INPP4B: variants seen among roughly 807,000 people sequenced by gnomAD.
INPP4B encodes inositol polyphosphate 4-phosphatase type II.
Under a neutral mutation model 122.5 loss-of-function variants are expected in INPP4B, and 55 were observed. The ratio of observed to expected loss-of-function variants is 0.45; its 90% CI spans 0.36 to 0.56. INPP4B has a LOEUF of 0.56. Ranked by LOEUF, INPP4B falls within the 20% of genes least tolerant of loss-of-function variation. INPP4B has a pLI of 0.00. For missense variants in INPP4B, 1,000 were observed against 1,097.7 expected (o/e 0.91, Z 1.26); for synonymous variants, 403 against 388.7 (o/e 1.04, Z -0.43).
At chr4:142,297,657 C>G (rs1287154826) in intron 9 of INPP4B, among the ~76,000 whole-genome samples, 1 of 152,222 alleles carries the variant, frequency 6.6e-6, no homozygotes, top group African/African-American at 2.4e-5. Context: ...GCTTCCTATA[C>G]AGTCTGCAAA....
At chr4:142,801,855 T>G (rs1344820115) in intron 1 of INPP4B, among the ~76,000 whole-genome samples, 1 of 152,142 alleles carries the variant, frequency 6.6e-6, no homozygotes, top group Non-Finnish European at 1.5e-5. Context: ...CAAATTCTGT[T>G]GTGGTCCTGT....
intron 2 of INPP4B, among the ~76,000 whole-genome samples, chr4:142,617,961 A>T (rs1249280635): frequency 2.0e-5 from 3 of 152,144 alleles, no homozygotes; most frequent in Non-Finnish European, 4.4e-5. Flanking sequence ...TAATTTATCA[A>T]TAAAAATATC....
At chr4:142,383,874 G>T in intron 7 of INPP4B, 2 of 492,032 alleles carry the variant, frequency 4.1e-6, no homozygotes, top group Middle Eastern at 5.1e-4. Context: ...TCCGGGTGGC[G>T]GGAACACAGG....
Position 142,803,053 on chromosome 4 carries a change from C to T in INPP4B, c.-254+43156G>A, listed in dbSNP as rs935455742. Among the ~76,000 whole-genome samples the T allele has an allele frequency of 3.3e-5, 5 of 151,342 alleles. No homozygotes were observed. In the South Asian group the frequency reaches 8.3e-4, roughly 25 times the overall value. On this transcript the variant is annotated intron_variant, in intron 1 of 25. Coordinates refer to ENST00000262992, the MANE Select transcript of INPP4B (RefSeq NM_001101669.3). ...GGCATGGTGGTGAGTACCTGTAATC[C>T]CAGCTACAGGGCGGGAGCTGAGGCA...
chr4:142,060,439 T>C (rs1234248304), intron 25 of INPP4B, among the ~76,000 whole-genome samples: 10 of 152,140 alleles, frequency 6.6e-5, no homozygotes, highest in Admixed American at 6.5e-4. Context: ...AGGACTACAG[T>C]TTTAAATTTA....
intron 2 of INPP4B, among the ~76,000 whole-genome samples, chr4:142,685,665 TG>T (rs1681327166): frequency 1.3e-5 from 2 of 151,968 alleles, no homozygotes; most frequent in Admixed American, 6.6e-5. Context: ...GAGGCTTAGG[TG>T]GGAAAATCAC....
chr4:142,502,901 A>T (rs1356020450), intron 2 of INPP4B, among the ~76,000 whole-genome samples: 1 of 151,884 alleles, frequency 6.6e-6, no homozygotes. Flanking sequence ...CTACTGCAAA[A>T]CTCAGCATGG....
At chr4:142,835,342 T>C (rs749256904) in intron 1 of INPP4B, among the ~76,000 whole-genome samples, 10 of 152,170 alleles carry the variant, frequency 6.6e-5, no homozygotes, top group Non-Finnish European at 1.3e-4. Flanking sequence ...AGGGCTCTTG[T>C]TAACAAAAGG....
intron 1 of INPP4B, among the ~76,000 whole-genome samples, chr4:142,769,237 T>C (rs1772634425): frequency 6.6e-6 from 1 of 152,178 alleles, no homozygotes; most frequent in African/African-American, 2.4e-5. Flanking sequence ...ATTTTGAATC[T>C]GTTGGCTTTG....
At chr4:142,593,128 T>C (rs896623119) in intron 2 of INPP4B, among the ~76,000 whole-genome samples, 8 of 151,704 alleles carry the variant, frequency 5.3e-5, no homozygotes, top group African/African-American at 1.9e-4. Flanking sequence ...AATGGTAGTG[T>C]AAATTAAATT....
At chr4:142,440,797 G>A (rs1262425434) in intron 3 of INPP4B, among the ~76,000 whole-genome samples, 1 of 152,056 alleles carries the variant, frequency 6.6e-6, no homozygotes, top group Non-Finnish European at 1.5e-5. Context: ...ACACATATAT[G>A]GCAAAATAGT....
chr4:142,366,240 T>C (rs535014976), intron 7 of INPP4B, among the ~76,000 whole-genome samples: 9 of 152,022 alleles, frequency 5.9e-5, no homozygotes, highest in Admixed American at 4.6e-4. Flanking sequence ...TCCCAAAACC[T>C]ATAAGAACTA....
At chr4:142,632,171 G>T (rs1254662815) in intron 2 of INPP4B, among the ~76,000 whole-genome samples, 1 of 152,098 alleles carries the variant, frequency 6.6e-6, no homozygotes, top group Non-Finnish European at 1.5e-5. Context: ...TGGGACTGAG[G>T]CTAACAGAAG....
chr4:142,627,577 C>T (rs1396867797), intron 2 of INPP4B, among the ~76,000 whole-genome samples: 5 of 140,220 alleles, frequency 3.6e-5, no homozygotes, highest in African/African-American at 1.3e-4. Flanking sequence ...GTATATTGAA[C>T]CAGCCTTGCA....
At chr4:142,758,690 C>G (rs1770855782) in intron 1 of INPP4B, among the ~76,000 whole-genome samples, 1 of 152,096 alleles carries the variant, frequency 6.6e-6, no homozygotes, top group African/African-American at 2.4e-5. Context: ...CAATGTCTCA[C>G]ACCTGTAAGC....
At chr4:142,341,539 G>A (rs1380243999) in intron 7 of INPP4B, among the ~76,000 whole-genome samples, 1 of 152,048 alleles carries the variant, frequency 6.6e-6, no homozygotes, top group Non-Finnish European at 1.5e-5. Flanking sequence ...CCCATACCCA[G>A]TGTTCCCGTT....
chr4:142,446,066 C>T (rs1279343409), intron 3 of INPP4B, among the ~76,000 whole-genome samples: 2 of 151,740 alleles, frequency 1.3e-5, no homozygotes, highest in Non-Finnish European at 2.9e-5. Context: ...AAAAGAAGGT[C>T]TCAAATCAAT....
chr4:142,590,578 T>C (rs1164426466), intron 2 of INPP4B, among the ~76,000 whole-genome samples: 1 of 152,116 alleles, frequency 6.6e-6, no homozygotes, highest in African/African-American at 2.4e-5. Flanking sequence ...TTCTCATTGT[T>C]GGAAAGGGAG....
intron 7 of INPP4B, among the ~76,000 whole-genome samples, chr4:142,365,279 T>A (rs1342212025): frequency 2.6e-5 from 4 of 152,132 alleles, no homozygotes; most frequent in African/African-American, 9.7e-5. Flanking sequence ...GCATTTCATG[T>A]TTGATCCCCA....
Sources: gnomAD v4.1 joint callset for allele counts (sites outside exome capture counted in the v4.1 genomes callset) on GRCh38, gnomAD v4.1.1 for gene constraint, MANE v1.5 for transcripts, NCBI Gene and HGNC (gene_info 2026-07-23, HGNC 2026-07-21) for gene names.